Variants in FLRT1 observed in about 807,000 individuals in gnomAD.
FLRT1 encodes leucine-rich repeat transmembrane protein FLRT1.
FLRT1 carries 14 observed loss-of-function variants against 30.9 expected under a neutral mutation model. That is an observed-to-expected ratio of 0.45 (90% CI 0.30 to 0.71). The LOEUF is 0.71. FLRT1 is among the 30% of genes least tolerant of loss of function. The pLI is 0.08. For synonymous variants in FLRT1, 368 were observed against 430.4 expected, an observed-to-expected ratio of 0.85 and a Z score of 1.80; for missense variants, 737 against 949.2, an observed-to-expected ratio of 0.78 and a Z score of 2.94.
Position 64,118,437 on chromosome 11 carries a change from G to C in FLRT1, c.*145G>C, listed in dbSNP as rs948259308. ...TCCGCAGAAAGCAAAGTTTGGGGAG[G>C]GCTGACGATTTTGTAGAACACAACA... On this transcript the variant is annotated 3_prime_UTR_variant, in exon 3 of 3. Coordinates refer to ENST00000682287, the MANE Select transcript of FLRT1 (RefSeq NM_013280.5). 4 of 1,011,808 alleles carry C rather than the reference G, an allele frequency of 4.0e-6. No individual in the cohort carries two copies. The highest frequency in any genetic ancestry group is 5.4e-6 in the Non-Finnish European group (4 of 734,302). 62.7% of individuals were successfully genotyped at this position (1,011,808 alleles called of 1,614,324 possible). A position where few individuals can be genotyped will look rare whatever the true frequency, so the allele number is the denominator to read the frequency against.
chr11:64,059,130 G>T (rs558428134), intron 1 of FLRT1, among the ~76,000 whole-genome samples: 1 of 152,284 alleles, frequency 6.6e-6, no homozygotes, highest in East Asian at 1.9e-4. Context: ...AACAGCCCCT[G>T]GTCCTTCTCT....
rs1228934629 is a variant in FLRT1, at chr11:64,037,834, T to G, written c.-1038+1675T>G. On this transcript the variant is annotated intron_variant, in intron 1 of 2. Transcript: ENST00000682287. ...CCGCACTCTACCATTTATTGGTCCCTCCACCTCCCTGTGCCTCAGTTTCCC... is the reference window on the plus strand; with the variant it reads ...CCGCACTCTACCATTTATTGGTCCCGCCACCTCCCTGTGCCTCAGTTTCCC... Among the ~76,000 whole-genome samples the G allele has an allele frequency of 7.9e-5, 12 of 152,328 alleles. No homozygotes were observed. In the East Asian group the frequency reaches 2.3e-3, roughly 29 times the overall value.
chr11:64,112,119 T>C (rs939244984), intron 2 of FLRT1, among the ~76,000 whole-genome samples: 17 of 152,202 alleles, frequency 1.1e-4, no homozygotes, highest in African/African-American at 3.6e-4. Context: ...AGTTTCTCCT[T>C]TGAAATCTTT....
chr11:64,075,676 T>C (rs1944187165), intron 1 of FLRT1, among the ~76,000 whole-genome samples: 1 of 152,234 alleles, frequency 6.6e-6, no homozygotes, highest in African/African-American at 2.4e-5. Flanking sequence ...TGGCTGCTGC[T>C]GCTTCTTTTT....
At chr11:64,075,722 G>C (rs1349983195) in intron 1 of FLRT1, among the ~76,000 whole-genome samples, 1 of 152,224 alleles carries the variant, frequency 6.6e-6, no homozygotes, top group Non-Finnish European at 1.5e-5. Flanking sequence ...GCCCAGGCTG[G>C]AGCGCAGTGG....
intron 1 of FLRT1, among the ~76,000 whole-genome samples, chr11:64,058,770 G>T (rs1590850732): frequency 6.6e-6 from 1 of 152,218 alleles, no homozygotes; most frequent in Non-Finnish European, 1.5e-5. Context: ...GTGGCCAGAC[G>T]ATTCCTCTGT....
intron 1 of FLRT1, among the ~76,000 whole-genome samples, chr11:64,045,723 C>T (rs1943572617): frequency 6.6e-6 from 1 of 152,192 alleles, no homozygotes; most frequent in Non-Finnish European, 1.5e-5. Context: ...GCCACTGTAC[C>T]CCTGGATGCC....
At position 64,082,332 on chromosome 11, in the gene FLRT1, G is replaced by C. The variant is rs936961955; in HGVS notation, c.-1037-20862G>C. On this transcript the variant is annotated intron_variant, in intron 1 of 2. Transcript: ENST00000682287. This position sits in a 1 kb window ranked among gnomAD's most constrained non-coding sequence, Gnocchi z 4.5. ...AGAGACGCTGGGTGGAGGATGATCC[G>C]GGGGGACCGTGGAAGGCAGGACGGG... 6.6e-6 allele frequency among the ~76,000 whole-genome samples: 1 copy of C among 152,038 alleles called. No individual in the cohort carries two copies. Among genetic ancestry groups the C allele is most frequent in the Admixed American group, 6.5e-5 (1 of 15,270 alleles).
At chr11:64,080,052 G>A (rs112756776) in intron 1 of FLRT1, among the ~76,000 whole-genome samples, 8,951 of 152,148 alleles carry the variant, frequency 0.059, 623 homozygotes, top group African/African-American at 0.16. Flanking sequence ...TCACTCTGTC[G>A]CCCAGGCTGG....
chr11:64,043,338 G>C (rs1943524024), intron 1 of FLRT1, among the ~76,000 whole-genome samples: 1 of 152,194 alleles, frequency 6.6e-6, no homozygotes, highest in Non-Finnish European at 1.5e-5. Context: ...CCGCCCTCAG[G>C]ACCCCACCCT....
rs747777424 is a variant in FLRT1, at chr11:64,117,446, G to A, written c.1179G>A (p.Lys393=). ...GCGGCGTGGCCAATGCGGCTGCCAA[G>A]ACCACGGCCAGCAACCACGCCTCTG... ...PQGGVANAAA[K]TTASNHASAT... Residue 393 remains lysine (K), a synonymous_variant, in exon 3 of 3, where the codon AAG becomes AAA. Coordinates refer to ENST00000682287, the MANE Select transcript of FLRT1 (RefSeq NM_013280.5). The A allele has an allele frequency of 6.2e-7, 1 of 1,613,104 alleles. No individual in the cohort carries two copies. Among genetic ancestry groups the A allele is most frequent in the Non-Finnish European group, 8.5e-7 (1 of 1,179,298 alleles).
intron 1 of FLRT1, among the ~76,000 whole-genome samples, chr11:64,047,289 C>G (rs1390880978): frequency 6.6e-6 from 1 of 152,124 alleles, no homozygotes; most frequent in Non-Finnish European, 1.5e-5. Flanking sequence ...AAATGGCTTT[C>G]TTTGTACAAC....
intron 1 of FLRT1, among the ~76,000 whole-genome samples, chr11:64,089,775 C>A (rs1176691296): frequency 6.6e-6 from 1 of 152,134 alleles, no homozygotes; most frequent in Non-Finnish European, 1.5e-5. Flanking sequence ...GGGGGCAGGG[C>A]TGAGAGGAGG....
chr11:64,088,106 C>A (rs1293322768), intron 1 of FLRT1, among the ~76,000 whole-genome samples: 1 of 152,166 alleles, frequency 6.6e-6, no homozygotes, highest in Non-Finnish European at 1.5e-5. Context: ...CTATCTCCAC[C>A]CCAGGGCCCC....
intron 1 of FLRT1, among the ~76,000 whole-genome samples, chr11:64,052,792 C>A (rs1310504793): frequency 6.6e-6 from 1 of 152,214 alleles, no homozygotes; most frequent in Non-Finnish European, 1.5e-5. Context: ...ACTTTGTGAT[C>A]ATGGAAGCTG....
At chr11:64,072,745 A>C (rs942786848) in intron 1 of FLRT1, among the ~76,000 whole-genome samples, 1 of 152,204 alleles carries the variant, frequency 6.6e-6, no homozygotes, top group Admixed American at 6.5e-5. Context: ...ATACATTAAG[A>C]AGCAACTGCT....
chr11:64,094,019 G>A (rs191515043), intron 1 of FLRT1, among the ~76,000 whole-genome samples: 42 of 152,330 alleles, frequency 2.8e-4, no homozygotes, highest in Non-Finnish European at 4.7e-4. Context: ...GGCCAGGGCC[G>A]GGCGCAGTGG....
rs35726613 is a variant in FLRT1 at position 64,103,585 on chromosome 11, T to TA, written c.-633dup. 66,281 of 140,536 alleles carry TA rather than the reference T, an allele frequency of 0.47. 15,590 individuals carry two copies. Among genetic ancestry groups the TA allele is most frequent in the African/African-American group, 0.62 (23,791 of 38,510 alleles). The allele number at this position is 140,536 out of a possible 1,614,324, so 8.7% of individuals were successfully genotyped here. On this transcript the variant is annotated 5_prime_UTR_variant, in exon 2 of 3. Coordinates refer to ENST00000682287, the MANE Select transcript of FLRT1 (RefSeq NM_013280.5). The stretch of plus-strand genomic sequence containing the variant: ...ATTCTGCCAAGTGACTTAAAGGAAT[T>TA]AAAAAAAAAAAAAGCCTTGGTAAAC...
chr11:64,073,156 G>A (rs538736441), intron 1 of FLRT1, among the ~76,000 whole-genome samples: 2 of 152,332 alleles, frequency 1.3e-5, no homozygotes, highest in South Asian at 2.1e-4. Flanking sequence ...TGAGGGCCAC[G>A]GGGCACCAGG....
Sources: gnomAD v4.1 joint callset for allele counts (sites outside exome capture counted in the v4.1 genomes callset) on GRCh38, gnomAD v4.1.1 for gene constraint, Gnocchi (gnomAD v3.1) non-coding constraint, MANE v1.5 for transcripts, NCBI Gene and HGNC (gene_info 2026-07-23, HGNC 2026-07-21) for gene names.